The following IL15 variants were observed in gnomAD, a reference collection of about 807,000 sequenced individuals.
The protein encoded by IL15 is interleukin 15.
A neutral mutation model predicts 19.6 loss-of-function variants in IL15; 11 were observed. The ratio of observed to expected loss-of-function variants is 0.56; its 90% confidence interval spans 0.35 to 0.93. The LOEUF is 0.93. Ranked by LOEUF, IL15 falls within the 40% of genes least tolerant of loss-of-function variation. IL15 has a pLI of 0.01. For synonymous variants in IL15, 58 were observed against 59.6 expected, an observed-to-expected ratio of 0.97 and a Z score of 0.12; for missense variants, 197 against 186.5, an observed-to-expected ratio of 1.06 and a Z score of -0.33.
intron 1 of IL15, among the ~76,000 whole-genome samples, chr4:141,646,481 A>G (rs564179045): frequency 6.6e-6 from 1 of 152,202 alleles, no homozygotes; most frequent in African/African-American, 2.4e-5. Flanking sequence ...GGTTTGTCTC[A>G]AATATCCCTG....
At chr4:141,674,626 C>T (rs1728280760) in intron 2 of IL15, among the ~76,000 whole-genome samples, 1 of 151,828 alleles carries the variant, frequency 6.6e-6, no homozygotes, top group Admixed American at 6.6e-5. Context: ...TCTGAAGTTT[C>T]ATAAAATAAA....
intron 2 of IL15, among the ~76,000 whole-genome samples, chr4:141,703,934 A>G (rs998147159): frequency 2.0e-5 from 3 of 152,034 alleles, no homozygotes; most frequent in African/African-American, 7.2e-5. Flanking sequence ...ACTTTACTGA[A>G]TTTGTTAATT....
chr4:141,700,874 A>T (rs1463805812), intron 2 of IL15, among the ~76,000 whole-genome samples: 1 of 152,144 alleles, frequency 6.6e-6, no homozygotes. Flanking sequence ...CTTGTCTTTG[A>T]GCTCTGAAAT....
At chr4:141,730,708 T>G (rs989123135) in intron 7 of IL15, among the ~76,000 whole-genome samples, 2 of 152,154 alleles carry the variant, frequency 1.3e-5, no homozygotes, top group African/African-American at 4.8e-5. Context: ...GGCTGGGGAA[T>G]CAGCTGTGCA....
At chr4:141,647,203 C>G (rs182989249) in intron 1 of IL15, among the ~76,000 whole-genome samples, 2 of 151,942 alleles carry the variant, frequency 1.3e-5, no homozygotes, top group Non-Finnish European at 2.9e-5. Flanking sequence ...GAGCAGAGCA[C>G]AGCGAAGAGT....
At position 141,721,405 on chromosome 4, in the gene IL15, A is replaced by T; in HGVS notation, c.111-519A>T. On this transcript the variant is annotated intron_variant, in intron 4 of 7. Coordinates refer to ENST00000320650, the MANE Select transcript of IL15 (RefSeq NM_000585.5). The stretch of plus-strand genomic sequence containing the variant: ...CACTGGAATGAAGTCTGTACTGTTT[A>T]TGGAGAAAGCTGCTGCAAGCATAGT... The T allele has an allele frequency of 1.9e-5, 12 of 628,306 alleles. No individual in the cohort carries two copies. In the South Asian group the frequency reaches 2.0e-4, roughly 10 times the overall value. 38.9% of individuals were successfully genotyped at this position (628,306 alleles called of 1,614,324 possible).
chr4:141,702,462 G>A (rs1172714713), intron 2 of IL15, among the ~76,000 whole-genome samples: 1 of 152,184 alleles, frequency 6.6e-6, no homozygotes, highest in Non-Finnish European at 1.5e-5. Context: ...AGGTGGCAGG[G>A]GAGTGACGTA....
In IL15 at chr4:141,701,367, T is replaced by C. The variant is rs952873318; in HGVS notation, c.-99-17999T>C. 4.6e-5 allele frequency among the ~76,000 whole-genome samples: 7 copies of C among 152,262 alleles called. No individual in the cohort carries two copies. The East Asian group carries it at 1.4e-3, about 29-fold the overall frequency. On this transcript the variant is annotated intron_variant, in intron 2 of 7. Transcript: ENST00000320650. ...TTTAGCCTAATTTAATTCTTGGTGC[T>C]TTTAGGGTGAAGACTTTGTATGAGT...
chr4:141,646,434 C>T (rs1246501823), intron 1 of IL15, among the ~76,000 whole-genome samples: 4 of 151,992 alleles, frequency 2.6e-5, no homozygotes, highest in Non-Finnish European at 5.9e-5. Flanking sequence ...GAATGCTTTT[C>T]TCTCAGATAT....
intron 2 of IL15, among the ~76,000 whole-genome samples, chr4:141,698,836 G>C (rs1729188036): frequency 6.6e-6 from 1 of 151,150 alleles, no homozygotes; most frequent in South Asian, 2.1e-4. Flanking sequence ...ATTTAGTTCT[G>C]CTCGGATCTT....
chr4:141,672,871 A>G (rs1728220320), intron 2 of IL15, among the ~76,000 whole-genome samples: 1 of 152,082 alleles, frequency 6.6e-6, no homozygotes, highest in Non-Finnish European at 1.5e-5. Flanking sequence ...AGCGCACCCT[A>G]CTATTCTTTT....
chr4:141,709,489 T>A (rs1203207513), intron 2 of IL15, among the ~76,000 whole-genome samples: 1 of 152,216 alleles, frequency 6.6e-6, no homozygotes, highest in Admixed American at 6.5e-5. Flanking sequence ...GAGCCAGCTT[T>A]TAAGCCATTG....
intron 2 of IL15, among the ~76,000 whole-genome samples, chr4:141,682,212 C>T (rs1047841580): frequency 2.6e-5 from 4 of 152,088 alleles, no homozygotes; most frequent in East Asian, 1.9e-4. Flanking sequence ...CCATTAAGTT[C>T]ACATATAAAT....
chr4:141,689,505 G>A (rs1728835219), intron 2 of IL15, among the ~76,000 whole-genome samples: 1 of 152,136 alleles, frequency 6.6e-6, no homozygotes, highest in South Asian at 2.1e-4. Context: ...CCCTGAGCTA[G>A]GCACAGGGTG....
chr4:141,709,628 T>C (rs116689267), intron 2 of IL15, among the ~76,000 whole-genome samples: 31 of 152,220 alleles, frequency 2.0e-4, no homozygotes, highest in African/African-American at 7.0e-4. Context: ...TCTGTATATG[T>C]TTAAATTTCT....
intron 1 of IL15, among the ~76,000 whole-genome samples, chr4:141,642,229 A>G (rs182709023): frequency 2.0e-5 from 3 of 152,080 alleles, no homozygotes; most frequent in East Asian, 1.9e-4. Context: ...AAAGTGGGAG[A>G]AGGGTAATTA....
intron 1 of IL15, among the ~76,000 whole-genome samples, chr4:141,654,162 G>A (rs1452689508): frequency 1.3e-5 from 2 of 152,200 alleles, no homozygotes; most frequent in African/African-American, 4.8e-5. Context: ...GGTGGGCAGA[G>A]GGAGAAGTTG....
Position 141,638,612 on chromosome 4 carries a change from A to C in IL15, c.-222+1864A>C, listed in dbSNP as rs887686249. Among the ~76,000 whole-genome samples the C allele has an allele frequency of 2.0e-5, 3 of 152,218 alleles. 1 individual carries two copies. The highest frequency in any genetic ancestry group is 2.0e-4 in the Admixed American group (3 of 15,280). Reference sequence around the variant, plus strand: ...CCATGAAATTAATGTAGCCAATGTCAACAGCTATATTGCAAGGCACAATGT... The same window carrying C: ...CCATGAAATTAATGTAGCCAATGTCCACAGCTATATTGCAAGGCACAATGT... On this transcript the variant is annotated intron_variant, in intron 1 of 7. Transcript: ENST00000320650.
At chr4:141,664,964 TAA>T (rs139120974) in intron 2 of IL15, among the ~76,000 whole-genome samples, 7,049 of 152,226 alleles carry the variant, frequency 0.046, 471 homozygotes, top group East Asian at 0.31. Flanking sequence ...TTGAGTTCTT[TAA>T]AGTGTTCATG....
Sources: gnomAD v4.1 joint callset for allele counts (sites outside exome capture counted in the v4.1 genomes callset) on GRCh38, gnomAD v4.1.1 for gene constraint, MANE v1.5 for transcripts, NCBI Gene and HGNC (gene_info 2026-07-23, HGNC 2026-07-21) for gene names.